Variants in ZNF841 observed in about 807,000 individuals in gnomAD.
ZNF841 encodes TCONS_00006091.
A neutral mutation model predicts 13.0 loss-of-function variants in ZNF841; 11 were observed. That is an observed-to-expected ratio of 0.85 (90% CI 0.53 to 1.40). The LOEUF is 1.40. Ranked by LOEUF, ZNF841 falls within the 40% of genes most tolerant of loss-of-function variation. ZNF841 has a pLI of 0.00. For missense variants in ZNF841, 1,068 were observed against 1,139.5 expected (o/e 0.94, Z 0.90); for synonymous variants, 369 against 381.6 (o/e 0.97, Z 0.38).
chr19:52,095,324 C>G (rs998183340), intron 1 of ZNF841, among the ~76,000 whole-genome samples: 45 of 152,132 alleles, frequency 3.0e-4, no homozygotes, highest in Admixed American at 1.3e-4. Flanking sequence ...GGAGGAGAAG[C>G]GGCTCCTTCA....
chr19:52,083,777 C>T (rs1252481880), intron 4 of ZNF841, among the ~76,000 whole-genome samples: 2 of 149,376 alleles, frequency 1.3e-5, no homozygotes, highest in South Asian at 4.2e-4. Context: ...AAAAAACTCA[C>T]GACAGTTTAA....
chr19:52,065,186 T>C lies in ZNF841; in HGVS notation c.2696A>G (p.His899Arg). 1.2e-6 allele frequency: 2 copies of C among 1,604,250 alleles called. No homozygotes were observed. The highest frequency in any genetic ancestry group is 1.1e-5 in the South Asian group (1 of 89,386). ...RSGLTKHQIKHAGENLTTKLN... is the reference protein window; with the variant it reads ...RSGLTKHQIKRAGENLTTKLN... ...TTTAGTTGTAAGGTTCTCTCCAGCATGTTTTATCTGATGTTTAGTGAGGCC... is the reference window on the plus strand; with the variant it reads ...TTTAGTTGTAAGGTTCTCTCCAGCACGTTTTATCTGATGTTTAGTGAGGCC... Residue 899 changes from histidine (H) to arginine (R), a missense_variant, in exon 7 of 7, where the codon CAT becomes CGT. Physicochemically the swap from His to Arg is conservative, Grantham distance 29 (BLOSUM62 0). Coordinates refer to ENST00000594440, the MANE Select transcript of ZNF841 (RefSeq NM_001136499.2).
intron 4 of ZNF841, among the ~76,000 whole-genome samples, chr19:52,077,301 T>C (rs562794192): frequency 6.6e-6 from 1 of 152,340 alleles, no homozygotes; most frequent in South Asian, 2.1e-4. Flanking sequence ...ATTTCTCACT[T>C]TTGTGGACAA....
intron 6 of ZNF841, among the ~76,000 whole-genome samples, chr19:52,070,978 A>T (rs1213727562): frequency 6.6e-6 from 1 of 152,212 alleles, no homozygotes; most frequent in Non-Finnish European, 1.5e-5. Context: ...GAGATCAAGG[A>T]GTAATGAGCA....
At chr19:52,085,599 GAGAAGGTGATATC>G (rs1427565485) in intron 3 of ZNF841, among the ~76,000 whole-genome samples, 2 of 152,208 alleles carry the variant, frequency 1.3e-5, no homozygotes, top group African/African-American at 4.8e-5. Flanking sequence ...AGTCCCAATG[GAGAAGGTGATATC>G]AGAACAAAGA....
chr19:52,078,610 A>C (rs2087987484), intron 4 of ZNF841, among the ~76,000 whole-genome samples: 1 of 151,454 alleles, frequency 6.6e-6, no homozygotes, highest in African/African-American at 2.4e-5. Flanking sequence ...GAGGCAGGAG[A>C]ATGGCATGAA....
chr19:52,076,592 C>A (rs2087908217), intron 5 of ZNF841, among the ~76,000 whole-genome samples: 1 of 150,004 alleles, frequency 6.7e-6, no homozygotes, highest in Non-Finnish European at 1.5e-5. Context: ...TTGCAGTGTG[C>A]CAAGATCACA....
rs767795373 is a variant in ZNF841 at position 52,066,140 on chromosome 19, T to C, written c.1742A>G (p.Tyr581Cys). 3.7e-6 allele frequency: 6 copies of C among 1,613,842 alleles called. No individual in the cohort carries two copies. The highest frequency in any genetic ancestry group is 4.2e-6 in the Non-Finnish European group (5 of 1,179,910). ...CNKCGMVFTY[Y>C]SCLARHQRMH... Reference sequence around the variant, plus strand: ...TCTTTGATGACGTGCTAGGCATGAATAGTAAGTGAAGACCATGCCACATTT... The same window carrying C: ...TCTTTGATGACGTGCTAGGCATGAACAGTAAGTGAAGACCATGCCACATTT... Residue 581 changes from tyrosine (Y) to cysteine (C), a missense_variant, in exon 7 of 7, where the codon TAT becomes TGT. Transcript: ENST00000594440.
At chr19:52,073,833 G>C (rs1379481990) in intron 6 of ZNF841, among the ~76,000 whole-genome samples, 6 of 152,118 alleles carry the variant, frequency 3.9e-5, no homozygotes, top group African/African-American at 1.4e-4. Flanking sequence ...GAAAAAAACA[G>C]TGCAATTTGA....
chr19:52,065,144 G>C lies in ZNF841; in HGVS notation c.2738C>G (p.Pro913Arg), dbSNP rs769211631. The change falls in exon 7 of 7, where the codon CCG (proline) becomes CGG (arginine). Residue 913 changes from proline to arginine, a missense_variant. By Grantham distance (103) the Pro-to-Arg change is moderately radical. Coordinates refer to ENST00000594440, the MANE Select transcript of ZNF841 (RefSeq NM_001136499.2). ...NLTTKLNVERPLDVVLTSGIP... is the reference protein window; with the variant it reads ...NLTTKLNVERRLDVVLTSGIP... ...CCCAGAGGTTAGGACAACATCTAAC[G>C]GCCTTTCCACATTGAGTTTAGTTGT... 1 of 1,560,536 alleles carries C rather than the reference G, an allele frequency of 6.4e-7. No individual in the cohort carries two copies.
intron 6 of ZNF841, among the ~76,000 whole-genome samples, chr19:52,071,478 G>A (rs1012992745): frequency 8.5e-5 from 13 of 152,276 alleles, no homozygotes; most frequent in Middle Eastern, 3.4e-3. Context: ...GCAAAGATTT[G>A]AGAAAACAAA....
intron 6 of ZNF841, among the ~76,000 whole-genome samples, chr19:52,074,158 AAAG>A (rs58029725): frequency 0.13 from 19,555 of 152,214 alleles, 1,428 homozygotes; most frequent in South Asian, 0.3. Flanking sequence ...CATCTGTACT[AAAG>A]AAGGAAATCT....
intron 6 of ZNF841, among the ~76,000 whole-genome samples, chr19:52,072,452 G>A (rs1231005807): frequency 6.6e-6 from 1 of 152,080 alleles, no homozygotes; most frequent in Non-Finnish European, 1.5e-5. Context: ...ACTTTTTAAA[G>A]ACTAAAATCG....
At chr19:52,063,778 T>C (rs187091056), downstream of ZNF841, 1 of 152,370 alleles carries the variant, frequency 6.6e-6, no homozygotes, top group East Asian at 1.9e-4. Flanking sequence ...TTGTCAAAGA[T>C]GTATATTCTG....
chr19:52,083,744 C>T (rs2088175157), intron 4 of ZNF841, among the ~76,000 whole-genome samples: 1 of 147,736 alleles, frequency 6.8e-6, no homozygotes, highest in Non-Finnish European at 1.5e-5. Context: ...TTAAGGTACA[C>T]AATATAGCAA....
chr19:52,060,953 A>T (rs1222699362), downstream of ZNF841, among the ~76,000 whole-genome samples: 1 of 152,178 alleles, frequency 6.6e-6, no homozygotes, highest in Non-Finnish European at 1.5e-5. Flanking sequence ...AAAGGAATTT[A>T]TTATTGCCTA....
intron 6 of ZNF841, among the ~76,000 whole-genome samples, chr19:52,068,636 A>G (rs2123230914): frequency 6.6e-6 from 1 of 150,706 alleles, no homozygotes; most frequent in African/African-American, 2.5e-5. Flanking sequence ...AGATTTCGCC[A>G]CTGCACTCCA....
intron 4 of ZNF841, among the ~76,000 whole-genome samples, chr19:52,083,299 T>C (rs1251300123): frequency 1.3e-5 from 2 of 151,978 alleles, no homozygotes; most frequent in East Asian, 1.9e-4. Flanking sequence ...GGGTGGGTAA[T>C]TGAAAGAGTG....
intron 6 of ZNF841, among the ~76,000 whole-genome samples, chr19:52,068,570 G>A (rs151106534): frequency 0.012 from 1,762 of 151,856 alleles, 36 homozygotes; most frequent in African/African-American, 0.041. Context: ...CAGCTACTCC[G>A]GAGCCTGAGA....
Sources: gnomAD v4.1 joint callset for allele counts (sites outside exome capture counted in the v4.1 genomes callset) on GRCh38, gnomAD v4.1.1 for gene constraint, MANE v1.5 for transcripts, NCBI Gene and HGNC (gene_info 2026-07-23, HGNC 2026-07-21) for gene names.